RANBP2: variants seen among roughly 807,000 people sequenced by gnomAD.
RANBP2 encodes E3 SUMO-protein ligase RanBP2.
A neutral mutation model predicts 303.6 loss-of-function variants in RANBP2; 57 were observed. That is an observed-to-expected ratio of 0.19 (90% CI 0.15 to 0.23). RANBP2 has a LOEUF of 0.23. Among genes scored for constraint, RANBP2 ranks in the 10% least tolerant of loss-of-function variants. The pLI, the probability that RANBP2 is intolerant of heterozygous loss-of-function variation, is 1.00. For synonymous variants in RANBP2, 1,167 were observed against 1,301.5 expected, an observed-to-expected ratio of 0.90 and a Z score of 2.23; for missense variants, 3,138 against 3,780.8, an observed-to-expected ratio of 0.83 and a Z score of 4.46.
chr2:109,133,127 G>T, the RANBP2 span, among the ~76,000 whole-genome samples: 2 of 152,222 alleles, frequency 1.3e-5, no homozygotes, highest in Non-Finnish European at 2.9e-5. Context: ...CCAGCTCTCA[G>T]AAGGTACCCG....
the RANBP2 span, among the ~76,000 whole-genome samples, chr2:109,367,281 A>G: frequency 6.6e-6 from 1 of 150,918 alleles, no homozygotes; most frequent in Admixed American, 6.6e-5. Context: ...TGAATTTTTT[A>G]CTTTTTATTT....
At chr2:109,373,443 G>A in the RANBP2 span, among the ~76,000 whole-genome samples, 32 of 152,304 alleles carry the variant, frequency 2.1e-4, no homozygotes, top group South Asian at 6.6e-3. Flanking sequence ...GGAAAATGCA[G>A]TATATCCATA....
the RANBP2 span, among the ~76,000 whole-genome samples, chr2:109,435,229 A>G: frequency 6.6e-6 from 1 of 152,176 alleles, no homozygotes. Flanking sequence ...CCCTCAGTCC[A>G]ATCCATAGCT....
the RANBP2 span, among the ~76,000 whole-genome samples, chr2:109,556,897 ATT>A: frequency 6.6e-6 from 1 of 152,202 alleles, no homozygotes; most frequent in Non-Finnish European, 1.5e-5. Flanking sequence ...GGAAATCATC[ATT>A]CTCAGCAAAC....
chr2:109,720,284 C>T, the RANBP2 span, among the ~76,000 whole-genome samples: 1 of 144,502 alleles, frequency 6.9e-6, no homozygotes, highest in African/African-American at 2.5e-5. Flanking sequence ...TACACTCACA[C>T]ACACACACAC....
At chr2:109,177,297 A>G in the RANBP2 span, among the ~76,000 whole-genome samples, 2 of 152,198 alleles carry the variant, frequency 1.3e-5, no homozygotes, top group African/African-American at 2.4e-5. Flanking sequence ...AAGGAGCCCA[A>G]TGCATGGTGA....
At chr2:109,223,666 C>T in the RANBP2 span, among the ~76,000 whole-genome samples, 1 of 152,190 alleles carries the variant, frequency 6.6e-6, no homozygotes, top group East Asian at 1.9e-4. Flanking sequence ...CCATGGCTCT[C>T]CCCTGAATTC....
chr2:109,641,290 C>T, the RANBP2 span, among the ~76,000 whole-genome samples: 1 of 152,122 alleles, frequency 6.6e-6, no homozygotes, highest in African/African-American at 2.4e-5. Context: ...AGGAATACAC[C>T]AGCATGCCCA....
At chr2:109,545,470 G>A in the RANBP2 span, 80 of 1,536,088 alleles carry the variant, frequency 5.2e-5, no homozygotes, top group Middle Eastern at 3.3e-4. Flanking sequence ...CTTTCTCTGC[G>A]TCTTTACGTC....
the RANBP2 span, among the ~76,000 whole-genome samples, chr2:109,713,980 G>A: frequency 6.6e-6 from 1 of 152,346 alleles, no homozygotes; most frequent in South Asian, 2.1e-4. Context: ...ACCTGGAGTT[G>A]GAGTCAGATC....
chr2:109,156,072 C>T, the RANBP2 span, among the ~76,000 whole-genome samples: 1 of 152,344 alleles, frequency 6.6e-6, no homozygotes, highest in East Asian at 1.9e-4. Context: ...AAGCTGGGTC[C>T]TCTCCTCTTT....
the RANBP2 span, among the ~76,000 whole-genome samples, chr2:108,979,678 T>C: frequency 9.2e-5 from 14 of 152,168 alleles, no homozygotes; most frequent in East Asian, 2.3e-3. Context: ...TCATGAAGGA[T>C]GCAGATGGCA....
the RANBP2 span, among the ~76,000 whole-genome samples, chr2:109,034,096 C>T: frequency 6.6e-6 from 1 of 150,538 alleles, no homozygotes; most frequent in Non-Finnish European, 1.5e-5. Context: ...TGGTGAAACC[C>T]CATCTCTACT....
chr2:109,423,026 TG>T, the RANBP2 span, among the ~76,000 whole-genome samples: 2 of 152,192 alleles, frequency 1.3e-5, no homozygotes. Context: ...AGCCTTGGTC[TG>T]GGACTGCATG....
At chr2:109,452,438 G>C in the RANBP2 span, among the ~76,000 whole-genome samples, 1 of 152,222 alleles carries the variant, frequency 6.6e-6, no homozygotes, top group Non-Finnish European at 1.5e-5. Context: ...AAGACAGTGA[G>C]CTCCTCACTC....
the RANBP2 span, among the ~76,000 whole-genome samples, chr2:109,223,052 A>C: frequency 6.6e-6 from 1 of 152,222 alleles, no homozygotes; most frequent in African/African-American, 2.4e-5. Flanking sequence ...GTGTGATCCC[A>C]CCTCTTGGCA....
rs765893725 is a variant in RANBP2 at position 108,777,223 on chromosome 2, G to T, written c.8591G>T (p.Gly2864Val). 1.2e-6 allele frequency: 2 copies of T among 1,613,102 alleles called. No individual in the cohort carries two copies. The highest frequency in any genetic ancestry group is 1.7e-5 in the Admixed American group (1 of 60,012). The change falls in exon 25 of 29, where the codon GGT becomes GTT. Residue 2864 changes from glycine (G) to valine (V), a missense_variant. This residue lies in a region of RANBP2 where 497 missense variants were observed against 465.8 expected (regional missense o/e 1.07). Transcript: ENST00000283195. Reference sequence around the variant, plus strand: ...AGTAATTCTGGAGATTTTGCTTTTGGTTCTAAAGGTAAGATCAAGAGGAGA... The same window carrying T: ...AGTAATTCTGGAGATTTTGCTTTTGTTTCTAAAGGTAAGATCAAGAGGAGA... ...ASSNSGDFAFGSKDKNFQWAN... is the reference protein window; with the variant it reads ...ASSNSGDFAFVSKDKNFQWAN...
At chr2:108,997,381 C>A in the RANBP2 span, among the ~76,000 whole-genome samples, 8 of 123,318 alleles carry the variant, frequency 6.5e-5, no homozygotes, top group African/African-American at 2.5e-4. Context: ...GCAGAGCCTG[C>A]AGTGAGCTGA....
At chr2:109,714,970 G>A in the RANBP2 span, among the ~76,000 whole-genome samples, 1 of 132,264 alleles carries the variant, frequency 7.6e-6, no homozygotes, top group Non-Finnish European at 1.6e-5. Flanking sequence ...TTTTTGGGGG[G>A]GTGGGGGTGG....
Sources: gnomAD v4.1 joint callset for allele counts (sites outside exome capture counted in the v4.1 genomes callset) on GRCh38, gnomAD v4.1.1 for gene constraint, gnomAD v4.1.1 regional missense constraint, MANE v1.5 for transcripts, NCBI Gene and HGNC (gene_info 2026-07-23, HGNC 2026-07-21) for gene names.